Variants in C17orf78 observed in about 807,000 individuals in gnomAD.
C17orf78 encodes uncharacterized protein C17orf78.
Under a neutral mutation model 31.8 loss-of-function variants are expected in C17orf78, and 27 were observed. The observed-to-expected ratio is 0.85, with a 90% CI of 0.63 to 1.17. The LOEUF (loss-of-function observed/expected upper bound fraction) is 1.17, where lower values mean the gene tolerates loss of function less well. Among genes scored for constraint, C17orf78 ranks in the 50% most tolerant of loss-of-function variants. The pLI is 0.00. For missense variants in C17orf78, 258 were observed against 315.2 expected, an observed-to-expected ratio of 0.82 and a Z score of 1.37; for synonymous variants, 106 against 115.1, an observed-to-expected ratio of 0.92 and a Z score of 0.51.
At chr17:37,376,917 G>A (rs1327928215) in intron 1 of C17orf78, among the ~76,000 whole-genome samples, 3 of 152,030 alleles carry the variant, frequency 2.0e-5, no homozygotes, top group Non-Finnish European at 4.4e-5. Flanking sequence ...TCGTACCACT[G>A]AAATCCAGCC....
chr17:37,376,842 C>A (rs527346609), intron 1 of C17orf78, among the ~76,000 whole-genome samples: 43 of 152,044 alleles, frequency 2.8e-4, no homozygotes, highest in Non-Finnish European at 5.0e-4. Flanking sequence ...GTAATCTCAG[C>A]TACTCGGGTG....
At chr17:37,388,910 C>T in intron 5 of C17orf78, 116 bp downstream of exon 5, 1 of 1,298,326 alleles carries the variant, frequency 7.7e-7, no homozygotes. Context: ...GGAGATGTGC[C>T]ACTCACACTC....
At chr17:37,386,761 T>C (rs937851284) in intron 4 of C17orf78, 4 of 152,080 alleles carry the variant, frequency 2.6e-5, no homozygotes, top group Non-Finnish European at 1.5e-5. Context: ...TATGTATAGA[T>C]GGACAATATT....
At chr17:37,381,623 A>T (rs1198970184) in intron 3 of C17orf78, among the ~76,000 whole-genome samples, 1 of 142,520 alleles carries the variant, frequency 7.0e-6, no homozygotes, top group Non-Finnish European at 1.5e-5. Flanking sequence ...TCTCTTCCAT[A>T]GTCTTTTTTT....
rs573100902 is a variant in C17orf78, at chr17:37,383,661, C to T, written c.392-2348C>T. ...CTCCCAGGTTCAAGCAATTCTCGTG[C>T]TTCAGCCTCTCGAGTAGCTGGGATT... On this transcript the variant is annotated intron_variant, in intron 3 of 6. Transcript: ENST00000615133. Among the ~76,000 whole-genome samples the T allele has an allele frequency of 1.5e-4, 23 of 152,326 alleles. No individual in the cohort carries two copies. The South Asian group carries it at 4.3e-3, about 29-fold the overall frequency.
intron 1 of C17orf78, 110 bp from the exon 2 acceptor site, chr17:37,377,769 A>G: frequency 1.4e-6 from 1 of 730,654 alleles, no homozygotes; most frequent in Non-Finnish European, 2.2e-6. Flanking sequence ...AGGAACTGCA[A>G]TCTTTCATAT....
intron 3 of C17orf78, 119 bp from the exon 4 acceptor site, chr17:37,385,890 C>A: frequency 1.5e-6 from 1 of 645,436 alleles, no homozygotes. Context: ...TATGGACAGA[C>A]AGGTTAATGG....
In C17orf78 at chr17:37,379,146, C is replaced by T; in HGVS notation, c.155C>T (p.Thr52Ile). The T allele has an allele frequency of 1.9e-6, 3 of 1,612,728 alleles. No homozygotes were observed. The highest frequency in any genetic ancestry group is 2.5e-6 in the Non-Finnish European group (3 of 1,179,408). The change falls in exon 3 of 7, where the codon ACA (threonine) becomes ATA (isoleucine). Residue 52 changes from threonine to isoleucine, a missense_variant. Coordinates refer to ENST00000615133, the MANE Select transcript of C17orf78 (RefSeq NM_173625.5). ...IRELQMQETH[T>I]ETKRTTFIQN... ...GTTCTTCTCCTTCCAGAAACTCACA[C>T]AGAAACCAAAAGGACAACATTCATT...
intron 6 of C17orf78, among the ~76,000 whole-genome samples, chr17:37,390,314 A>ATC (rs2050799808): frequency 5.2e-5 from 2 of 38,708 alleles, no homozygotes; most frequent in Non-Finnish European, 7.9e-5. Flanking sequence ...TTATATATAT[A>ATC]TATATATATA....
At chr17:37,382,779 G>T (rs932364479) in intron 3 of C17orf78, among the ~76,000 whole-genome samples, 9 of 152,196 alleles carry the variant, frequency 5.9e-5, no homozygotes, top group African/African-American at 1.9e-4. Context: ...AGAATAGCTT[G>T]AACCCAGGAT....
chr17:37,381,146 CTTGT>C (rs1194477261), intron 3 of C17orf78, among the ~76,000 whole-genome samples: 6 of 151,888 alleles, frequency 4.0e-5, no homozygotes, highest in South Asian at 2.1e-4. Context: ...CTTGCTTTTG[CTTGT>C]TTTTGTTTTT....
chr17:37,390,175 T>TACACACAC (rs1158274937), intron 6 of C17orf78, among the ~76,000 whole-genome samples: 494 of 44,430 alleles, frequency 0.011, 14 homozygotes, highest in Non-Finnish European at 0.015. Flanking sequence ...TATATATATA[T>TACACACAC]ACACACACAC....
chr17:37,389,451 C>G (rs920756220), intron 6 of C17orf78, 89 bp downstream of exon 6: 1 of 1,478,222 alleles, frequency 6.8e-7, no homozygotes, highest in African/African-American at 1.4e-5. Flanking sequence ...ATTCCCAGCA[C>G]TTTGAGAGGC....
At chr17:37,384,529 C>T (rs1025560514) in intron 3 of C17orf78, among the ~76,000 whole-genome samples, 2 of 151,598 alleles carry the variant, frequency 1.3e-5, no homozygotes, top group Non-Finnish European at 2.9e-5. Flanking sequence ...ATAGGTAGAG[C>T]AAGTATTATT....
At chr17:37,383,058 G>T (rs181084805) in intron 3 of C17orf78, among the ~76,000 whole-genome samples, 77 of 152,170 alleles carry the variant, frequency 5.1e-4, no homozygotes, top group African/African-American at 1.8e-3. Flanking sequence ...AAACTCAAAA[G>T]ACTCTGGCAG....
At chr17:37,383,992 G>A (rs759888899) in intron 3 of C17orf78, among the ~76,000 whole-genome samples, 36 of 152,276 alleles carry the variant, frequency 2.4e-4, no homozygotes, top group Middle Eastern at 3.4e-3. Flanking sequence ...AGAGCCGGGC[G>A]CGGTGTCTCA....
chr17:37,391,762 A>G lies in C17orf78; in HGVS notation c.*38A>G. On this transcript the variant is annotated 3_prime_UTR_variant, in exon 7 of 7. Transcript: ENST00000615133. ...TATCTCAAAGACTGAATGATACTAC[A>G]CAGTCCTCTCCCTATTAATATGGGC... is the stretch of plus-strand genomic sequence containing the variant. 1 of 1,538,370 alleles carries G rather than the reference A, an allele frequency of 6.5e-7. No individual in the cohort carries two copies. The highest frequency in any genetic ancestry group is 9.0e-7 in the Non-Finnish European group (1 of 1,111,940).
At position 37,391,629 on chromosome 17, in the gene C17orf78, T is replaced by C. The variant is rs1568098238; in HGVS notation, c.751-18T>C. 6.2e-7 allele frequency: 1 copy of C among 1,610,856 alleles called. No individual in the cohort carries two copies. Among genetic ancestry groups the C allele is most frequent in the Non-Finnish European group, 8.5e-7 (1 of 1,177,164 alleles). On this transcript the variant is annotated intron_variant, in intron 6 of 6. Coordinates refer to ENST00000615133, the MANE Select transcript of C17orf78 (RefSeq NM_173625.5). Reference sequence around the variant, plus strand: ...CTTGCATCCTTTTTTAACTTTCATATTTCCTTTCAATCTCTAGGTTGGACA... The same window carrying C: ...CTTGCATCCTTTTTTAACTTTCATACTTCCTTTCAATCTCTAGGTTGGACA...
At chr17:37,378,014 T>G (rs766101026) in intron 2 of C17orf78, 49 bp downstream of exon 2, 4 of 1,541,942 alleles carry the variant, frequency 2.6e-6, no homozygotes, top group South Asian at 1.1e-5. Flanking sequence ...TCCAAAAAAT[T>G]TTTACCTTTA....
Sources: gnomAD v4.1 joint callset for allele counts (sites outside exome capture counted in the v4.1 genomes callset) on GRCh38, gnomAD v4.1.1 for gene constraint, MANE v1.5 for transcripts, NCBI Gene and HGNC (gene_info 2026-07-23, HGNC 2026-07-21) for gene names.